NSUN2: variants seen among roughly 807,000 people sequenced by gnomAD.
NSUN2 encodes the protein NOP2/Sun RNA methyltransferase 2, also known as RNA cytosine C(5)-methyltransferase NSUN2.
A neutral mutation model predicts 92.7 loss-of-function variants in NSUN2; 63 were observed. That is an observed-to-expected ratio of 0.68 (90% CI 0.56 to 0.84). The LOEUF is 0.84. NSUN2 is among the 40% of genes least tolerant of loss of function. The probability of loss-of-function intolerance (pLI) is 0.00; values close to 1 mark genes in which losing one functional copy is unlikely to be tolerated. For missense variants in NSUN2, 989 were observed against 964.9 expected (o/e 1.02, Z -0.33); for synonymous variants, 356 against 348.3 (o/e 1.02, Z -0.25).
intron 17 of NSUN2, among the ~76,000 whole-genome samples, chr5:6,603,096 C>G (rs745646843): frequency 6.6e-6 from 1 of 152,146 alleles, no homozygotes; most frequent in Non-Finnish European, 1.5e-5. Context: ...GATTCACGTA[C>G]TTTTGATCAA....
Position 6,616,798 on chromosome 5 carries a change from A to G in NSUN2, c.950T>C (p.Val317Ala), listed in dbSNP as rs1268923201. The G allele has an allele frequency of 6.2e-7, 1 of 1,610,812 alleles. No homozygotes were observed. Among genetic ancestry groups the G allele is most frequent in the East Asian group, 2.2e-5 (1 of 44,730 alleles). The change falls in exon 9 of 19, where the codon GTG becomes GCG. Residue 317 changes from valine (V) to alanine (A), a missense_variant. This residue lies in a region of NSUN2 where 626 missense variants were observed against 602.3 expected (regional missense o/e 1.04). Transcript: ENST00000264670. Reference sequence around the variant, plus strand: ...AGGGTTTAGTGAACACGTGGAATACACCATCCTTCCACCTTCAGCCAGCTG... The same window carrying G: ...AGGGTTTAGTGAACACGTGGAATACGCCATCCTTCCACCTTCAGCCAGCTG... Reference protein sequence around the residue: ...AEQLAEGGRMVYSTCSLNPIE... With the variant: ...AEQLAEGGRMAYSTCSLNPIE...
At chr5:6,632,197 C>G (rs994357344) in intron 2 of NSUN2, among the ~76,000 whole-genome samples, 1 of 126,594 alleles carries the variant, frequency 7.9e-6, no homozygotes, top group Non-Finnish European at 1.6e-5. Context: ...CTCTCCTAAG[C>G]ATATCCTACC....
intron 9 of NSUN2, 36 bp from the exon 10 acceptor site, chr5:6,611,834 A>G: frequency 6.4e-7 from 1 of 1,566,238 alleles, no homozygotes; most frequent in Non-Finnish European, 8.8e-7. Flanking sequence ...TTTGTTTTTC[A>G]AAAAAGTATT....
At chr5:6,630,686 T>A (rs1019218342) in intron 3 of NSUN2, among the ~76,000 whole-genome samples, 1 of 152,056 alleles carries the variant, frequency 6.6e-6, no homozygotes, top group African/African-American at 2.4e-5. Context: ...AACAAGCAAA[T>A]CTGTACCCCA....
intron 7 of NSUN2, 94 bp from the exon 8 acceptor site, chr5:6,618,118 G>T: frequency 1.3e-6 from 1 of 783,486 alleles, no homozygotes. Context: ...TACAAAACAA[G>T]TGTTACAAAT....
At chr5:6,605,159 C>G (rs959814838) in intron 15 of NSUN2, 114 bp downstream of exon 15, 48 of 1,415,262 alleles carry the variant, frequency 3.4e-5, no homozygotes, top group Non-Finnish European at 4.2e-5. Flanking sequence ...CCACAGCCAG[C>G]GCTACAGGTG....
chr5:6,600,902 C>T (rs542554871), intron 18 of NSUN2, among the ~76,000 whole-genome samples: 122 of 152,334 alleles, frequency 8.0e-4, no homozygotes, highest in Non-Finnish European at 5.1e-4. Flanking sequence ...GAACATGCTC[C>T]GAGCCTCCCT....
intron 8 of NSUN2, among the ~76,000 whole-genome samples, chr5:6,617,697 A>G (rs940788681): frequency 2.6e-5 from 4 of 152,258 alleles, no homozygotes; most frequent in Admixed American, 6.5e-5. Flanking sequence ...GGAAAAATAC[A>G]TATCTGAAGT....
chr5:6,611,844 T>C (rs1737006391), intron 9 of NSUN2, 46 bp from the exon 10 acceptor site: 1 of 1,472,914 alleles, frequency 6.8e-7, no homozygotes, highest in Non-Finnish European at 9.5e-7. Context: ...AAAAAAGTAT[T>C]AACACACTAT....
At chr5:6,606,475 C>T (rs917373407) in intron 14 of NSUN2, among the ~76,000 whole-genome samples, 5 of 152,034 alleles carry the variant, frequency 3.3e-5, no homozygotes, top group South Asian at 2.1e-4. Context: ...TTAGTAGAGA[C>T]GGGGTTTCAC....
intron 5 of NSUN2, among the ~76,000 whole-genome samples, 183 bp from the exon 6 acceptor site, chr5:6,622,283 T>G (rs747829350): frequency 3.3e-5 from 5 of 152,218 alleles, no homozygotes; most frequent in Non-Finnish European, 7.3e-5. Context: ...CAGAATGATA[T>G]AGGTACAGTC....
At chr5:6,627,840 T>C (rs1737716946) in intron 3 of NSUN2, among the ~76,000 whole-genome samples, 1 of 152,256 alleles carries the variant, frequency 6.6e-6, no homozygotes, top group South Asian at 2.1e-4. Context: ...TCTTTGTAGA[T>C]TTTAACATCA....
chr5:6,621,342 T>TAAG (rs1737429487), intron 6 of NSUN2: 1 of 151,248 alleles, frequency 6.6e-6, no homozygotes, highest in South Asian at 2.1e-4. Flanking sequence ...AGGCAGTAAG[T>TAAG]AATAATAATA....
At chr5:6,632,036 C>T (rs1157962837) in intron 2 of NSUN2, 59 bp from the exon 3 acceptor site, 2 of 1,336,556 alleles carry the variant, frequency 1.5e-6, no homozygotes, top group African/African-American at 1.5e-5. Context: ...TACATTGTAT[C>T]TTCTTAAATT....
At position 6,599,994 on chromosome 5, in the gene NSUN2, C is replaced by T; in HGVS notation, c.2236G>A (p.Ala746Thr). 1.2e-6 allele frequency: 2 copies of T among 1,614,250 alleles called. No homozygotes were observed. The highest frequency in any genetic ancestry group is 1.7e-6 in the Non-Finnish European group (2 of 1,180,044). Residue 746 changes from alanine to threonine, a missense_variant, in exon 19 of 19, where the codon GCA becomes ACA. Ala to Thr is a moderately conservative substitution (Grantham distance 58). Around this residue, in one of 3 missense-constraint regions of NSUN2, gnomAD observed 626 missense variants for 602.3 expected, o/e 1.04. Coordinates refer to ENST00000264670, the MANE Select transcript of NSUN2 (RefSeq NM_017755.6). ...QRAGEPNSPD[A>T]EEANSPDVTA... ...ACGTCTGGACTGTTGGCCTCTTCTG[C>T]ATCTGGGCTGTTGGGCTCTCCTGCT...
chr5:6,606,793 G>T lies in NSUN2; in HGVS notation c.1601+27C>A, dbSNP rs1736794068. 3 of 1,291,342 alleles carry T rather than the reference G, an allele frequency of 2.3e-6. No individual in the cohort carries two copies. The South Asian group carries it at 3.7e-5, about 16-fold the overall frequency. The allele number at this position is 1,291,342 out of a possible 1,614,324, so 80.0% of individuals were successfully genotyped here. On this transcript the variant is annotated intron_variant, in intron 14 of 18. Coordinates refer to ENST00000264670, the MANE Select transcript of NSUN2 (RefSeq NM_017755.6). ...TACTCTATAGTAAATTTCTTTAAAT[G>T]AATAATTAAAAAGGCTGAATCCTTA...
chr5:6,603,249 A>G (rs1736627486), intron 17 of NSUN2, among the ~76,000 whole-genome samples: 1 of 152,238 alleles, frequency 6.6e-6, no homozygotes, highest in Non-Finnish European at 1.5e-5. Flanking sequence ...GTGGAAGTTG[A>G]TGAAATATAA....
Position 6,605,361 on chromosome 5 carries a change from G to A in NSUN2, c.1649C>T (p.Thr550Ile), listed in dbSNP as rs1035324025. The A allele has an allele frequency of 4.3e-6, 7 of 1,614,056 alleles. No homozygotes were observed. Among genetic ancestry groups the A allele is most frequent in the Non-Finnish European group, 5.9e-6 (7 of 1,180,022 alleles). ...CCTTTTCTTCCCTTCTGTAGTCCGAGTTAACAAATTCATCCTTGGGAATGA... is the reference window on the plus strand; with the variant it reads ...CCTTTTCTTCCCTTCTGTAGTCCGAATTAACAAATTCATCCTTGGGAATGA... Reference protein sequence around the residue: ...DPSFPRMNLLTRTTEGKKRQL... With the variant: ...DPSFPRMNLLIRTTEGKKRQL... Residue 550 changes from threonine to isoleucine, a missense_variant, in exon 15 of 19, where the codon ACT becomes ATT. Physicochemically the swap from Thr to Ile is moderately conservative, Grantham distance 89 (BLOSUM62 -1). Coordinates refer to ENST00000264670, the MANE Select transcript of NSUN2 (RefSeq NM_017755.6).
chr5:6,604,027 A>G, intron 17 of NSUN2, 111 bp downstream of exon 17: 3 of 981,278 alleles, frequency 3.1e-6, no homozygotes, highest in Non-Finnish European at 3.1e-6. Flanking sequence ...GTAGCCATAA[A>G]TAAACTGAAA....
Sources: gnomAD v4.1 joint callset for allele counts (sites outside exome capture counted in the v4.1 genomes callset) on GRCh38, gnomAD v4.1.1 for gene constraint, gnomAD v4.1.1 regional missense constraint, MANE v1.5 for transcripts, NCBI Gene and HGNC (gene_info 2026-07-23, HGNC 2026-07-21) for gene names.